Variants in KLHL10 observed in about 807,000 individuals in gnomAD.
KLHL10 encodes the protein kelch like family member 10, also known as kelch-like protein 10.
KLHL10 carries 11 observed loss-of-function variants against 46.6 expected under a neutral mutation model. That is an observed-to-expected ratio of 0.24 (90% CI 0.15 to 0.39). The LOEUF (loss-of-function observed/expected upper bound fraction) is 0.39. Ranked by LOEUF, KLHL10 falls within the 10% of genes least tolerant of loss-of-function variation. The pLI is 1.00. For synonymous variants in KLHL10, 254 were observed against 279.1 expected, an observed-to-expected ratio of 0.91 and a Z score of 0.90; for missense variants, 475 against 789.8, an observed-to-expected ratio of 0.60 and a Z score of 4.78.
chr17:41,835,809 C>A, upstream of KLHL10: 1 of 1,518,154 alleles, frequency 6.6e-7, no homozygotes, highest in Non-Finnish European at 9.0e-7. Flanking sequence ...GGGCAGGAAG[C>A]CTCTCCAGCC....
At position 41,847,047 on chromosome 17, in the gene KLHL10, G is replaced by A. The variant is rs34672008; in HGVS notation, c.1303-214G>A. On this transcript the variant is annotated intron_variant, in intron 3 of 4. Coordinates refer to ENST00000293303, the MANE Select transcript of KLHL10 (RefSeq NM_152467.5). Reference sequence around the variant, plus strand: ...GGAGAATTGTTAGAACCCAGGAGGCGGAGTGAGCAGAGATGGTGCAAATGG... The same window carrying A: ...GGAGAATTGTTAGAACCCAGGAGGCAGAGTGAGCAGAGATGGTGCAAATGG... Among the ~76,000 whole-genome samples the A allele has an allele frequency of 0.14, 21,919 of 151,982 alleles. 1,732 individuals carry two copies. Among genetic ancestry groups the A allele is most frequent in the East Asian group, 0.18 (916 of 5,168 alleles).
intron 2 of KLHL10, among the ~76,000 whole-genome samples, chr17:41,843,379 C>G (rs781847815): frequency 6.6e-6 from 1 of 151,922 alleles, no homozygotes; most frequent in Non-Finnish European, 1.5e-5. Flanking sequence ...GTGGTGCATG[C>G]CTGTAATCCC....
chr17:41,837,682 T>C, upstream of KLHL10: 2 of 1,181,214 alleles, frequency 1.7e-6, no homozygotes, highest in Non-Finnish European at 1.1e-6. Flanking sequence ...AGGTGTGAGG[T>C]GGTTTTCAGC....
upstream of KLHL10, chr17:41,837,776 T>A (rs1014982360): frequency 2.1e-6 from 3 of 1,461,910 alleles, no homozygotes; most frequent in Non-Finnish European, 2.7e-6. Context: ...TCCTGTGTGA[T>A]CTCACTGCAG....
chr17:41,837,976 C>T lies in KLHL10; in HGVS notation c.44C>T (p.Pro15Leu). The T allele has an allele frequency of 6.2e-7, 1 of 1,614,094 alleles. No homozygotes were observed. Among genetic ancestry groups the T allele is most frequent in the Non-Finnish European group, 8.5e-7 (1 of 1,180,024 alleles). Residue 15 changes from proline to leucine, a missense_variant, in exon 1 of 5, where the codon CCT becomes CTT. Physicochemically the swap from Pro to Leu is moderately conservative, Grantham distance 98. Coordinates refer to ENST00000293303, the MANE Select transcript of KLHL10 (RefSeq NM_152467.5). ...GCGGCCTCCACACGTTTCCACCAGC[C>T]TCACATGGAGAGGAAGATGAGTGCG... is the stretch of plus-strand genomic sequence containing the variant. ...SAAASTRFHQ[P>L]HMERKMSAMA... is the part of the protein sequence containing the mutation.
rs782596232 is a variant in KLHL10, at chr17:41,837,890, G to A, written c.-43G>A. Reference sequence around the variant, plus strand: ...AAAGGGGCCCCCCACAACCCTCCCCGACACCCTAGGAAAGCAGCCTCTCTC... The same window carrying A: ...AAAGGGGCCCCCCACAACCCTCCCCAACACCCTAGGAAAGCAGCCTCTCTC... On this transcript the variant is annotated 5_prime_UTR_variant, in exon 1 of 5. Transcript: ENST00000293303. 5.0e-6 allele frequency: 8 copies of A among 1,611,154 alleles called. No individual in the cohort carries two copies. The highest frequency in any genetic ancestry group is 1.3e-5 in the African/African-American group (1 of 74,840).
At chr17:41,837,255 C>G (rs1415029549), upstream of KLHL10, among the ~76,000 whole-genome samples, 1 of 152,216 alleles carries the variant, frequency 6.6e-6, no homozygotes, top group Non-Finnish European at 1.5e-5. Context: ...ACCTCCATCT[C>G]CTGGGTTGAA....
intron 1 of KLHL10, 148 bp downstream of exon 1, chr17:41,838,274 T>G: frequency 1.5e-6 from 1 of 681,582 alleles, no homozygotes; most frequent in Non-Finnish European, 2.5e-6. Context: ...AAAAATTTTT[T>G]TTTTAGAGAT....
At position 41,845,421 on chromosome 17, in the gene KLHL10, G is replaced by A; in HGVS notation, c.980G>A (p.Ser327Asn). The change falls in exon 3 of 5, where the codon AGT (serine) becomes AAT (asparagine). Residue 327 changes from serine to asparagine, a missense_variant. Physicochemically the swap from Ser to Asn is conservative, Grantham distance 46. Transcript: ENST00000293303. The part of the protein sequence containing the change: ...RWVNVTCEEE[S>N]PRAYHGAAYL... ...GTGAATGTTACTTGTGAGGAAGAGA[G>A]TCCCCGTGCCTACCATGGGGCAGCC... The A allele has an allele frequency of 6.2e-7, 1 of 1,614,240 alleles. No homozygotes were observed. Among genetic ancestry groups the A allele is most frequent in the Non-Finnish European group, 8.5e-7 (1 of 1,180,038 alleles).
chr17:41,844,105 G>T (rs2048255999), intron 2 of KLHL10, among the ~76,000 whole-genome samples: 1 of 152,120 alleles, frequency 6.6e-6, no homozygotes, highest in African/African-American at 2.4e-5. Flanking sequence ...TGTCACCCAG[G>T]CTGGAGTGCT....
chr17:41,838,202 C>T, intron 1 of KLHL10, 76 bp downstream of exon 1: 5 of 1,236,424 alleles, frequency 4.0e-6, no homozygotes, highest in Non-Finnish European at 6.0e-6. Context: ...TTTTCTGTTT[C>T]CCACCCCATC....
chr17:41,835,931 G>A (rs148308911), upstream of KLHL10: 253 of 1,601,100 alleles, frequency 1.6e-4, 2 homozygotes, highest in African/African-American at 3.1e-3. Context: ...GCCGCATCAG[G>A]ACCGTGGCCT....
chr17:41,847,458 G>A (rs367826099), intron 4 of KLHL10, 48 bp downstream of exon 4: 1 of 1,602,800 alleles, frequency 6.2e-7, no homozygotes, highest in African/African-American at 1.3e-5. Flanking sequence ...ATTACCCCTA[G>A]ATTTTGTATT....
chr17:41,845,662 G>A lies in KLHL10; in HGVS notation c.1221G>A (p.Glu407=), dbSNP rs782189079. 19 of 1,611,702 alleles carry A rather than the reference G, an allele frequency of 1.2e-5. No homozygotes were observed. Among genetic ancestry groups the A allele is most frequent in the Non-Finnish European group, 1.4e-5 (16 of 1,178,302 alleles). The change falls in exon 3 of 5, where the codon GAG becomes GAA. Residue 407 remains glutamate (E), a synonymous_variant. Transcript: ENST00000293303. Reference sequence around the variant, plus strand: ...GTCTAAACACTGCTGAACGTTATGAGCCAGAGACCAATCAATGGACACTCA... The same window carrying A: ...GTCTAAACACTGCTGAACGTTATGAACCAGAGACCAATCAATGGACACTCA... ...YVRLNTAERY[E]PETNQWTLIA...
At chr17:41,846,724 G>A (rs1239147001) in intron 3 of KLHL10, among the ~76,000 whole-genome samples, 7 of 151,988 alleles carry the variant, frequency 4.6e-5, no homozygotes, top group African/African-American at 1.7e-4. Flanking sequence ...GCACACACCT[G>A]TAATTTCAGC....
intron 2 of KLHL10, among the ~76,000 whole-genome samples, chr17:41,844,834 C>T (rs575263453): frequency 1.3e-5 from 2 of 152,268 alleles, no homozygotes; most frequent in South Asian, 2.1e-4. Context: ...CGGCCGTGAG[C>T]CACCTCGCCT....
chr17:41,838,824 G>A lies in KLHL10; in HGVS notation c.194+698G>A, dbSNP rs551917158. ...CCACCTCAGCCTCTCAAGTAGCTGG[G>A]ATTACAGGCGCCTGACACCACGCCC... On this transcript the variant is annotated intron_variant, in intron 1 of 4. Coordinates refer to ENST00000293303, the MANE Select transcript of KLHL10 (RefSeq NM_152467.5). 4.0e-5 allele frequency among the ~76,000 whole-genome samples: 6 copies of A among 151,298 alleles called. No individual in the cohort carries two copies. The South Asian group carries it at 1.3e-3, about 32-fold the overall frequency.
upstream of KLHL10, chr17:41,836,573 A>G (rs373570390): frequency 7.7e-5 from 39 of 503,862 alleles, no homozygotes; most frequent in African/African-American, 7.7e-4. Flanking sequence ...CTGTAATCCC[A>G]GGACTTTGGG....
intron 1 of KLHL10, among the ~76,000 whole-genome samples, chr17:41,839,203 T>G (rs2048202408): frequency 6.6e-6 from 1 of 152,102 alleles, no homozygotes; most frequent in Non-Finnish European, 1.5e-5. Flanking sequence ...TGTTGGTCAG[T>G]CTGGTCTCGA....
Sources: gnomAD v4.1 joint callset for allele counts (sites outside exome capture counted in the v4.1 genomes callset) on GRCh38, gnomAD v4.1.1 for gene constraint, MANE v1.5 for transcripts, NCBI Gene and HGNC (gene_info 2026-07-23, HGNC 2026-07-21) for gene names.